The following HHAT variants were observed in gnomAD, a reference collection of about 807,000 sequenced individuals.
HHAT encodes the protein hedgehog acyltransferase, also known as protein-cysteine N-palmitoyltransferase HHAT.
Under a neutral mutation model 70.8 loss-of-function variants are expected in HHAT, and 47 were observed. The observed-to-expected ratio is 0.66, with a 90% CI of 0.53 to 0.85. The LOEUF (loss-of-function observed/expected upper bound fraction) is 0.85. Ranked by LOEUF, HHAT falls within the 40% of genes least tolerant of loss-of-function variation. The pLI is 0.00. For missense variants in HHAT, 609 were observed against 604.8 expected (o/e 1.01, Z -0.07); for synonymous variants, 228 against 247.6 (o/e 0.92, Z 0.74).
chr1:210,673,795 TTATTTATTTATTTATTTATG>T (rs1680628954), intron 11 of HHAT, among the ~76,000 whole-genome samples: 1 of 130,664 alleles, frequency 7.7e-6, no homozygotes, highest in Non-Finnish European at 1.5e-5. Context: ...ATTTATTTAT[TTATTTATTTATTTATTTATG>T]GTAGAGATGA....
intron 3 of HHAT, among the ~76,000 whole-genome samples, chr1:210,379,161 C>T (rs1572022851): frequency 6.6e-6 from 1 of 152,252 alleles, no homozygotes; most frequent in Admixed American, 6.5e-5. Context: ...CTGACAGCTT[C>T]AGCATCTCTG....
intron 3 of HHAT, among the ~76,000 whole-genome samples, chr1:210,380,907 A>G (rs936839456): frequency 1.3e-5 from 2 of 152,124 alleles, no homozygotes; most frequent in Non-Finnish European, 2.9e-5. Flanking sequence ...GGGCCATTTT[A>G]TGAAGAACTG....
In HHAT at chr1:210,642,042, G is replaced by A. The variant is rs565854711; in HGVS notation, c.1390+18372G>A. Among the ~76,000 whole-genome samples, 6 of 152,234 alleles carry A rather than the reference G, an allele frequency of 3.9e-5. No homozygotes were observed. In the East Asian group the frequency reaches 1.2e-3, roughly 29 times the overall value. On this transcript the variant is annotated intron_variant, in intron 11 of 11. Coordinates refer to ENST00000261458, the MANE Select transcript of HHAT (RefSeq NM_018194.6). ...TTTTTTTAAATTTGTCACTGCCAAA[G>A]TTTTGAATGTTTTGTTCCTAACCCT...
At chr1:210,673,937 G>A (rs1339886262) in intron 11 of HHAT, among the ~76,000 whole-genome samples, 1 of 146,232 alleles carries the variant, frequency 6.8e-6, no homozygotes, top group Non-Finnish European at 1.5e-5. Context: ...ACATGGATTC[G>A]TTAAAAGCTT....
At chr1:210,467,828 A>G (rs1015359214) in intron 8 of HHAT, among the ~76,000 whole-genome samples, 2 of 152,204 alleles carry the variant, frequency 1.3e-5, no homozygotes, top group Admixed American at 6.5e-5. Context: ...CCTGAACACC[A>G]TGTTGACTGA....
intron 2 of HHAT, among the ~76,000 whole-genome samples, chr1:210,354,481 C>T (rs77309169): frequency 0.055 from 8,316 of 152,040 alleles, 321 homozygotes; most frequent in South Asian, 0.087. Context: ...AATTATGATG[C>T]AATCTTGATC....
At chr1:210,668,796 C>T (rs1302769379) in intron 11 of HHAT, among the ~76,000 whole-genome samples, 16 of 152,032 alleles carry the variant, frequency 1.1e-4, no homozygotes, top group Admixed American at 5.2e-4. Context: ...TTTTCTGAGA[C>T]GGAGTCTCGC....
chr1:210,489,988 A>G (rs1319294439), intron 8 of HHAT, among the ~76,000 whole-genome samples: 2 of 152,224 alleles, frequency 1.3e-5, no homozygotes, highest in African/African-American at 4.8e-5. Flanking sequence ...AACATAGAGC[A>G]GCTATTAACT....
chr1:210,657,415 G>T (rs190169502), intron 11 of HHAT, among the ~76,000 whole-genome samples: 421 of 152,324 alleles, frequency 2.8e-3, no homozygotes, highest in African/African-American at 9.5e-3. Context: ...ACATGGAGGT[G>T]AGAACAAAGG....
At chr1:210,594,417 T>C (rs979997717) in intron 10 of HHAT, among the ~76,000 whole-genome samples, 3 of 152,214 alleles carry the variant, frequency 2.0e-5, no homozygotes, top group Admixed American at 2.0e-4. Context: ...AACAAATTAA[T>C]AAGCAAAGAG....
At chr1:210,644,602 C>CAAAAA (rs57190952) in intron 11 of HHAT, among the ~76,000 whole-genome samples, 3 of 64,030 alleles carry the variant, frequency 4.7e-5, no homozygotes, top group East Asian at 6.4e-4. Flanking sequence ...GACTCCATCT[C>CAAAAA]AAAAAAAAAA....
intron 10 of HHAT, among the ~76,000 whole-genome samples, chr1:210,612,069 G>A (rs1474700997): frequency 6.6e-6 from 1 of 152,064 alleles, no homozygotes; most frequent in African/African-American, 2.4e-5. Flanking sequence ...TTTAATACAT[G>A]TTGAGTTTGA....
intron 8 of HHAT, among the ~76,000 whole-genome samples, chr1:210,499,235 C>T (rs966862961): frequency 6.6e-6 from 1 of 152,178 alleles, no homozygotes; most frequent in Non-Finnish European, 1.5e-5. Context: ...CTGGTCTCTG[C>T]TTCCCATTCC....
chr1:210,383,552 A>G (rs2090818327), intron 3 of HHAT, among the ~76,000 whole-genome samples: 1 of 152,170 alleles, frequency 6.6e-6, no homozygotes, highest in Non-Finnish European at 1.5e-5. Flanking sequence ...ATGATATGAT[A>G]ATGGTGGATA....
intron 3 of HHAT, among the ~76,000 whole-genome samples, chr1:210,370,850 G>A (rs778121142): frequency 3.3e-5 from 5 of 151,986 alleles, no homozygotes; most frequent in Admixed American, 6.6e-5. Flanking sequence ...TCCTGACCTC[G>A]TGATCCACCA....
intron 10 of HHAT, among the ~76,000 whole-genome samples, chr1:210,612,806 G>T (rs955443442): frequency 2.0e-5 from 3 of 152,118 alleles, no homozygotes; most frequent in African/African-American, 7.2e-5. Flanking sequence ...TCATCAACAC[G>T]TGTTATTTTG....
intron 8 of HHAT, among the ~76,000 whole-genome samples, chr1:210,475,529 C>T (rs2094291635): frequency 6.6e-6 from 1 of 152,186 alleles, no homozygotes; most frequent in South Asian, 2.1e-4. Flanking sequence ...TGACAGACTT[C>T]CCTTTCAGGA....
intron 6 of HHAT, among the ~76,000 whole-genome samples, chr1:210,408,379 T>C (rs7519718): frequency 0.67 from 101,246 of 151,934 alleles, 34,834 homozygotes; most frequent in African/African-American, 0.84. Context: ...GATGGGGTTT[T>C]ACCATGTTGG....
intron 8 of HHAT, among the ~76,000 whole-genome samples, chr1:210,483,794 G>C (rs1020956496): frequency 2.6e-5 from 4 of 152,108 alleles, no homozygotes; most frequent in Admixed American, 1.3e-4. Context: ...AGTTCAGTTG[G>C]AAAGGAGATT....
Sources: allele counts gnomAD v4.1 joint callset (sites outside exome capture counted in the v4.1 genomes callset), GRCh38; gene constraint gnomAD v4.1.1; transcripts MANE v1.5; gene names NCBI Gene and HGNC (gene_info 2026-07-23, HGNC 2026-07-21).